Variants in KCNMA1 observed in about 807,000 individuals in gnomAD.
KCNMA1 encodes the protein potassium calcium-activated channel subfamily M alpha 1.
In KCNMA1, 29 loss-of-function variants were observed where a neutral mutation model predicts 140.0. The ratio of observed to expected loss-of-function variants is 0.21; its 90% CI spans 0.15 to 0.28. The LOEUF is 0.28. KCNMA1 is among the 10% of genes least tolerant of loss of function. The pLI, the probability that KCNMA1 is intolerant of heterozygous loss-of-function variation, is 1.00. For missense variants in KCNMA1, 880 were observed against 1,602.2 expected, an observed-to-expected ratio of 0.55 and a Z score of 7.70; for synonymous variants, 612 against 611.9, an observed-to-expected ratio of 1.00 and a Z score of 0.00.
intron 1 of KCNMA1, among the ~76,000 whole-genome samples, chr10:77,504,355 C>T (rs368273377): frequency 7.2e-4 from 110 of 152,240 alleles, no homozygotes; most frequent in African/African-American, 2.5e-3. Context: ...TAACCTTCAT[C>T]ATAGTCTACA....
intron 25 of KCNMA1, chr10:76,904,393 C>T (rs1215785436): frequency 6.6e-6 from 1 of 152,352 alleles, no homozygotes; most frequent in African/African-American, 2.4e-5. Context: ...TCTCTAGCTC[C>T]TGGGGGATCC....
intron 2 of KCNMA1, among the ~76,000 whole-genome samples, chr10:77,285,659 T>C (rs763288182): frequency 7.0e-4 from 100 of 143,226 alleles, no homozygotes; most frequent in Non-Finnish European, 9.2e-4. Context: ...TTTTCTCTGA[T>C]TAGATTTCTC....
intron 1 of KCNMA1, chr10:77,636,681 C>T (rs2093777438): frequency 1.3e-6 from 2 of 1,532,864 alleles, no homozygotes; most frequent in East Asian, 4.9e-5. Context: ...ACTTCTCTCG[C>T]CCCTCGAAGT....
chr10:77,152,447 G>A (rs1417605489), intron 5 of KCNMA1, among the ~76,000 whole-genome samples: 1 of 152,152 alleles, frequency 6.6e-6, no homozygotes, highest in Admixed American at 6.6e-5. Context: ...GAACAGGAAA[G>A]TGGGGAGGAG....
chr10:77,006,655 A>C (rs979353161), intron 18 of KCNMA1, among the ~76,000 whole-genome samples: 1 of 152,258 alleles, frequency 6.6e-6, no homozygotes, highest in African/African-American at 2.4e-5. Flanking sequence ...TCAGCAGCAC[A>C]GAGCACACTG....
At chr10:77,252,571 C>T (rs1021063308) in intron 2 of KCNMA1, among the ~76,000 whole-genome samples, 3 of 143,144 alleles carry the variant, frequency 2.1e-5, no homozygotes, top group African/African-American at 8.3e-5. Context: ...GCACGTGTGC[C>T]TGTGTATGTA....
rs572168313 is a variant in KCNMA1, at chr10:77,345,648, C to A, written c.540+58214G>T. The stretch of plus-strand genomic sequence containing the variant: ...AATTGGCTCTAAAAGTGGAGAGGAA[C>A]CAAGTTGGGTTATTATAGAAGCATC... On this transcript the variant is annotated intron_variant, in intron 2 of 27. Coordinates refer to ENST00000286628, the MANE Select transcript of KCNMA1 (RefSeq NM_001161352.2). Among the ~76,000 whole-genome samples, 3 of 152,298 alleles carry A rather than the reference C, an allele frequency of 2.0e-5. No homozygotes were observed. In the South Asian group the frequency reaches 6.2e-4, roughly 32 times the overall value.
chr10:77,486,462 T>A (rs115082101), intron 1 of KCNMA1, among the ~76,000 whole-genome samples: 158 of 152,312 alleles, frequency 1.0e-3, no homozygotes, highest in African/African-American at 3.6e-3. Flanking sequence ...GTTCTAAAGA[T>A]TCAATGAAGT....
chr10:77,506,184 C>A (rs1204220001), intron 1 of KCNMA1, among the ~76,000 whole-genome samples: 2 of 152,116 alleles, frequency 1.3e-5, no homozygotes, highest in African/African-American at 4.8e-5. Context: ...TTGTGTAGAG[C>A]TAATTAGAGT....
chr10:76,885,531 G>A lies in KCNMA1; in HGVS notation c.*1735C>T, dbSNP rs1267834925. On this transcript the variant is annotated 3_prime_UTR_variant, in exon 28 of 28. Coordinates refer to ENST00000286628, the MANE Select transcript of KCNMA1 (RefSeq NM_001161352.2). ...AAACTATCATGCTTGAGGGGACGGG[G>A]GATCCAAAATCTAAATCCAAAACAT... 1.0e-6 allele frequency: 1 copy of A among 985,014 alleles called. No individual in the cohort carries two copies. The highest frequency in any genetic ancestry group is 1.8e-5 in the African/African-American group (1 of 57,128). 61.0% of individuals were successfully genotyped at this position (985,014 alleles called of 1,614,324 possible). A position where few individuals can be genotyped will look rare whatever the true frequency, so the allele number is the denominator to read the frequency against.
chr10:77,324,783 T>C (rs1395584302), intron 2 of KCNMA1, among the ~76,000 whole-genome samples: 1 of 152,114 alleles, frequency 6.6e-6, no homozygotes, highest in South Asian at 2.1e-4. Context: ...TGGGTTCTGT[T>C]GGTAGCTGGA....
chr10:76,886,655 G>GAT lies in KCNMA1; in HGVS notation c.*609_*610dup. On this transcript the variant is annotated 3_prime_UTR_variant, in exon 28 of 28. Transcript: ENST00000286628. ...TTGGTGAGTAACTAAAAAAATCACT[G>GAT]ATGTTCTCTTGCAACAAGCAGGTCC... 1 of 992,162 alleles carries GAT rather than the reference G, an allele frequency of 1.0e-6. No homozygotes were observed. Among genetic ancestry groups the GAT allele is most frequent in the Non-Finnish European group, 1.2e-6 (1 of 833,908 alleles). 61.5% of individuals were successfully genotyped at this position (992,162 alleles called of 1,614,324 possible).
chr10:77,005,485 T>G (rs2088163853), intron 18 of KCNMA1, among the ~76,000 whole-genome samples: 1 of 152,182 alleles, frequency 6.6e-6, no homozygotes, highest in Non-Finnish European at 1.5e-5. Context: ...CATTCCATCT[T>G]AGGGCTCTTG....
At chr10:77,259,579 C>T (rs2061526894) in intron 2 of KCNMA1, among the ~76,000 whole-genome samples, 1 of 152,128 alleles carries the variant, frequency 6.6e-6, no homozygotes. Context: ...CACATGCTTC[C>T]ACATCTAGAC....
chr10:77,144,920 A>G (rs565023373), intron 5 of KCNMA1, among the ~76,000 whole-genome samples: 27 of 152,336 alleles, frequency 1.8e-4, no homozygotes, highest in African/African-American at 6.5e-4. Flanking sequence ...TATGACATCT[A>G]CTTCACAGAC....
At chr10:77,432,583 A>T (rs1265186496) in intron 1 of KCNMA1, among the ~76,000 whole-genome samples, 1 of 152,204 alleles carries the variant, frequency 6.6e-6, no homozygotes, top group Non-Finnish European at 1.5e-5. Context: ...TGAGAAACAG[A>T]GGCCCATGAA....
At chr10:77,362,870 C>G in intron 2 of KCNMA1, among the ~76,000 whole-genome samples, 1 of 152,222 alleles carries the variant, frequency 6.6e-6, no homozygotes, top group East Asian at 1.9e-4. Flanking sequence ...CTGTCTGGGC[C>G]AAGCCATCCC....
intron 2 of KCNMA1, among the ~76,000 whole-genome samples, chr10:77,399,669 G>C (rs555652681): frequency 2.0e-5 from 3 of 152,138 alleles, no homozygotes; most frequent in Admixed American, 1.3e-4. Flanking sequence ...GGCTCCAGGC[G>C]TTGACTATAA....
chr10:77,273,812 A>G (rs565903653), intron 2 of KCNMA1, among the ~76,000 whole-genome samples: 1 of 152,296 alleles, frequency 6.6e-6, no homozygotes, highest in African/African-American at 2.4e-5. Context: ...TTCTTACTAT[A>G]TGCTGGGCAC....
Sources: allele counts gnomAD v4.1 joint callset (sites outside exome capture counted in the v4.1 genomes callset), GRCh38; gene constraint gnomAD v4.1.1; transcripts MANE v1.5; gene names NCBI Gene and HGNC (gene_info 2026-07-23, HGNC 2026-07-21).